Variants in HOMER2 observed in about 807,000 individuals in gnomAD.
HOMER2 encodes homer protein homolog 2.
In HOMER2, 27 loss-of-function variants were observed where a neutral mutation model predicts 47.0. That is an observed-to-expected ratio of 0.57 (90% CI 0.42 to 0.79). HOMER2 has a LOEUF of 0.79. Ranked by LOEUF, HOMER2 falls within the 30% of genes least tolerant of loss-of-function variation. HOMER2 has a pLI of 0.00. For synonymous variants in HOMER2, 161 were observed against 163.8 expected, an observed-to-expected ratio of 0.98 and a Z score of 0.13; for missense variants, 443 against 435.0, an observed-to-expected ratio of 1.02 and a Z score of -0.16.
chr15:82,962,630 T>C (rs1388460062), intron 1 of HOMER2, among the ~76,000 whole-genome samples: 1 of 152,098 alleles, frequency 6.6e-6, no homozygotes, highest in Non-Finnish European at 1.5e-5. Context: ...CAAGCCGATA[T>C]TGTGCTATTG....
Position 82,929,598 on chromosome 15 carries a change from G to A in HOMER2, c.5+22933C>T, listed in dbSNP as rs145825232. ...TTGAACCCAGGAGGCGGAGATTGCA[G>A]TGAGCCGAGATCGCGTCACTGCACA... On this transcript the variant is annotated intron_variant, in intron 1 of 8. Coordinates refer to ENST00000450735, the MANE Select transcript of HOMER2 (RefSeq NM_004839.4). 1.3e-3 allele frequency among the ~76,000 whole-genome samples: 193 copies of A among 144,764 alleles called. 1 individual carries two copies. The highest frequency in any genetic ancestry group is 2.3e-3 in the Non-Finnish European group (156 of 66,780). The allele number at this position is 144,764 out of a possible 152,430, so 95.0% of individuals were successfully genotyped here. A position where few individuals can be genotyped will look rare whatever the true frequency, so the allele number is the denominator to read the frequency against.
rs193054052 is a variant in HOMER2, at chr15:82,873,290, C to G, written c.294+1983G>C. 2.4e-4 allele frequency among the ~76,000 whole-genome samples: 36 copies of G among 152,264 alleles called. No individual in the cohort carries two copies. In the East Asian group the frequency reaches 6.0e-3, roughly 25 times the overall value. The stretch of plus-strand genomic sequence containing the variant: ...CAGGGGAAGAGTGATTTATCATCAC[C>G]AGAATAGATACTGTGGACCGCCATG... On this transcript the variant is annotated intron_variant, in intron 3 of 8. Coordinates refer to ENST00000450735, the MANE Select transcript of HOMER2 (RefSeq NM_004839.4).
intron 2 of HOMER2, among the ~76,000 whole-genome samples, chr15:82,891,623 A>ACT (rs2052708833): frequency 6.6e-6 from 1 of 151,474 alleles, no homozygotes; most frequent in Admixed American, 6.6e-5. Flanking sequence ...CTGACTCCCC[A>ACT]CTCCCCTGCT....
intron 2 of HOMER2, among the ~76,000 whole-genome samples, chr15:82,881,379 C>A (rs1167375550): frequency 6.6e-6 from 1 of 152,168 alleles, no homozygotes; most frequent in East Asian, 1.9e-4. Flanking sequence ...AGAAGTCTTT[C>A]CCAAATCCAG....
intron 1 of HOMER2, among the ~76,000 whole-genome samples, chr15:82,944,520 C>G (rs962628173): frequency 3.3e-5 from 5 of 152,216 alleles, no homozygotes; most frequent in African/African-American, 1.2e-4. Context: ...GGACTTGATA[C>G]ACCACAGATT....
intron 1 of HOMER2, among the ~76,000 whole-genome samples, chr15:82,937,555 A>G (rs962011945): frequency 5.3e-5 from 8 of 152,232 alleles, no homozygotes; most frequent in African/African-American, 1.9e-4. Flanking sequence ...CCATGGAGCA[A>G]GAAAATCCAC....
At chr15:82,858,464 T>A (rs1940880118) in intron 5 of HOMER2, among the ~76,000 whole-genome samples, 1 of 152,072 alleles carries the variant, frequency 6.6e-6, no homozygotes, top group Non-Finnish European at 1.5e-5. Context: ...GGCTAGTTTT[T>A]AAAATATTTT....
intron 1 of HOMER2, among the ~76,000 whole-genome samples, chr15:82,964,671 C>A (rs1023855668): frequency 6.6e-6 from 1 of 152,136 alleles, no homozygotes; most frequent in Non-Finnish European, 1.5e-5. Context: ...GAGGCTAAGG[C>A]AGGAGAATTG....
intron 1 of HOMER2, among the ~76,000 whole-genome samples, chr15:82,933,276 G>C (rs1225786069): frequency 1.3e-5 from 2 of 152,104 alleles, no homozygotes; most frequent in African/African-American, 4.8e-5. Flanking sequence ...ATCCAGGATG[G>C]AGTGCAGTGG....
chr15:82,851,282 T>C (rs567588802), intron 7 of HOMER2, 51 bp from the exon 8 acceptor site: 1 of 1,303,658 alleles, frequency 7.7e-7, no homozygotes, highest in African/African-American at 1.5e-5. Context: ...AGATAAAATA[T>C]ATTCTTGAAA....
intron 3 of HOMER2, among the ~76,000 whole-genome samples, chr15:82,868,733 T>C (rs2052076141): frequency 6.6e-6 from 1 of 150,744 alleles, no homozygotes; most frequent in African/African-American, 2.4e-5. Context: ...GTATTTTTAG[T>C]AGAGACGGGG....
chr15:82,836,060 AAG>A (rs933409238), downstream of HOMER2: 6 of 152,210 alleles, frequency 3.9e-5, no homozygotes, highest in Non-Finnish European at 7.3e-5. Flanking sequence ...CCTTTGAAAA[AAG>A]GATCCTTTTC....
intron 1 of HOMER2, among the ~76,000 whole-genome samples, chr15:82,951,798 G>A (rs2054511224): frequency 6.6e-6 from 1 of 152,234 alleles, no homozygotes; most frequent in Non-Finnish European, 1.5e-5. Context: ...ATGGCAAACC[G>A]TCAACGTGTG....
intron 7 of HOMER2, among the ~76,000 whole-genome samples, chr15:82,851,785 T>C (rs1001076404): frequency 6.6e-6 from 1 of 152,206 alleles, no homozygotes; most frequent in East Asian, 1.9e-4. Flanking sequence ...ACATTTTAAA[T>C]TTTTTTAAAA....
chr15:82,917,123 T>A (rs1019739954), intron 1 of HOMER2, among the ~76,000 whole-genome samples: 2 of 152,222 alleles, frequency 1.3e-5, no homozygotes. Flanking sequence ...TTACAATTTT[T>A]GTTTTTTTCT....
intron 2 of HOMER2, among the ~76,000 whole-genome samples, chr15:82,877,894 G>A (rs1057316609): frequency 2.0e-5 from 3 of 152,138 alleles, no homozygotes; most frequent in African/African-American, 2.4e-5. Flanking sequence ...AAGTGTAGGG[G>A]AAAGCTATGG....
At position 82,859,141 on chromosome 15, in the gene HOMER2, T is replaced by A; in HGVS notation, c.388-6A>T. ...GTCCCGTTGACACTGGATGCCTGAGTAGAAGATGGGGTTTCACGCCCAGAT... is the reference window on the plus strand; with the variant it reads ...GTCCCGTTGACACTGGATGCCTGAGAAGAAGATGGGGTTTCACGCCCAGAT... On this transcript the variant is annotated splice_polypyrimidine_tract_variant and splice_region_variant and intron_variant, in intron 4 of 8. Coordinates refer to ENST00000450735, the MANE Select transcript of HOMER2 (RefSeq NM_004839.4). The A allele has an allele frequency of 2.5e-6, 4 of 1,613,858 alleles. No homozygotes were observed. Among genetic ancestry groups the A allele is most frequent in the Non-Finnish European group, 2.5e-6 (3 of 1,179,860 alleles).
chr15:82,855,578 C>CA, intron 5 of HOMER2, among the ~76,000 whole-genome samples: 1 of 152,166 alleles, frequency 6.6e-6, no homozygotes, highest in East Asian at 1.9e-4. Flanking sequence ...ATAATGGTCC[C>CA]ACTGTAACCT....
intron 1 of HOMER2, among the ~76,000 whole-genome samples, chr15:82,949,243 G>C (rs1421400645): frequency 6.6e-6 from 1 of 152,182 alleles, no homozygotes. Flanking sequence ...GGCATCATGG[G>C]CATATCGATG....
Sources: gnomAD v4.1 joint callset for allele counts (sites outside exome capture counted in the v4.1 genomes callset) on GRCh38, gnomAD v4.1.1 for gene constraint, MANE v1.5 for transcripts, NCBI Gene and HGNC (gene_info 2026-07-23, HGNC 2026-07-21) for gene names.